The following STK32B variants were observed in gnomAD, a reference collection of about 807,000 sequenced individuals.
STK32B encodes the protein serine/threonine kinase 32B, also known as serine/threonine-protein kinase 32B.
STK32B carries 43 observed loss-of-function variants against 52.6 expected under a neutral mutation model. The ratio of observed to expected loss-of-function variants is 0.82; its 90% CI spans 0.64 to 1.05. STK32B has a LOEUF of 1.05. Ranked by LOEUF, STK32B falls within the 50% of genes least tolerant of loss-of-function variation. The pLI, the probability that STK32B is intolerant of heterozygous loss-of-function variation, is 0.00. For missense variants in STK32B, 621 were observed against 534.6 expected (o/e 1.16, Z -1.59); for synonymous variants, 238 against 204.3 (o/e 1.17, Z -1.41).
intron 6 of STK32B, among the ~76,000 whole-genome samples, chr4:5,422,369 C>A (rs1157890655): frequency 1.3e-5 from 2 of 152,166 alleles, no homozygotes; most frequent in African/African-American, 4.8e-5. Flanking sequence ...GGCCCAGTAA[C>A]AAGTTCCCAG....
intron 11 of STK32B, among the ~76,000 whole-genome samples, chr4:5,478,287 G>T (rs142015841): frequency 7.3e-4 from 111 of 152,324 alleles, no homozygotes; most frequent in Non-Finnish European, 1.4e-3. Context: ...CTGCCCTTCA[G>T]TTCTGTCAGA....
At chr4:5,474,822 T>G (rs1394211192) in intron 11 of STK32B, among the ~76,000 whole-genome samples, 1 of 152,174 alleles carries the variant, frequency 6.6e-6, no homozygotes, top group Non-Finnish European at 1.5e-5. Context: ...CTAAACTGAT[T>G]AAAACATAAT....
chr4:5,233,801 C>A (rs1047398002), intron 3 of STK32B, among the ~76,000 whole-genome samples: 4 of 151,588 alleles, frequency 2.6e-5, no homozygotes, highest in African/African-American at 9.7e-5. Flanking sequence ...ATGGAAACAA[C>A]ATGGAGGTTG....
intron 3 of STK32B, among the ~76,000 whole-genome samples, chr4:5,288,622 T>C (rs929325359): frequency 3.3e-5 from 5 of 152,192 alleles, no homozygotes; most frequent in African/African-American, 1.2e-4. Context: ...AGTTTTTAAA[T>C]CTAATTCTGG....
intron 1 of STK32B, among the ~76,000 whole-genome samples, chr4:5,061,446 A>G (rs1742213436): frequency 6.6e-6 from 1 of 152,212 alleles, no homozygotes; most frequent in Non-Finnish European, 1.5e-5. Context: ...ATTATTTGGT[A>G]ACCCTGTGGG....
Position 5,499,378 on chromosome 4 carries a change from G to C in STK32B, c.*295G>C, listed in dbSNP as rs1720562093. 3 of 353,754 alleles carry C rather than the reference G, an allele frequency of 8.5e-6. No individual in the cohort carries two copies. The highest frequency in any genetic ancestry group is 9.4e-5 in the Admixed American group (2 of 21,324). The allele number at this position is 353,754 out of a possible 1,614,324, so 21.9% of individuals were successfully genotyped here. ...TTATGGGGAGAACCCAATTAGGTAG[G>C]AAACATGAAAAACCTTTGATATTTA... On this transcript the variant is annotated 3_prime_UTR_variant, in exon 12 of 12. Coordinates refer to ENST00000282908, the MANE Select transcript of STK32B (RefSeq NM_018401.3).
intron 3 of STK32B, among the ~76,000 whole-genome samples, chr4:5,251,509 A>C (rs1389596231): frequency 1.3e-5 from 2 of 152,104 alleles, no homozygotes; most frequent in Non-Finnish European, 2.9e-5. Context: ...AAGTCAGGTA[A>C]GCATGAAGCC....
intron 3 of STK32B, 88 bp from the exon 4 acceptor site, chr4:5,331,132 T>A: frequency 7.6e-7 from 1 of 1,314,390 alleles, no homozygotes. Flanking sequence ...TGAGCCTCAG[T>A]TTGCTCTTCT....
At chr4:5,341,561 G>A (rs1236980824) in intron 4 of STK32B, among the ~76,000 whole-genome samples, 5 of 152,184 alleles carry the variant, frequency 3.3e-5, no homozygotes, top group African/African-American at 1.2e-4. Flanking sequence ...GATTTCGTCG[G>A]TAACTTACTT....
intron 9 of STK32B, among the ~76,000 whole-genome samples, chr4:5,464,490 C>T (rs528083298): frequency 1.3e-5 from 2 of 152,290 alleles, no homozygotes; most frequent in East Asian, 1.9e-4. Context: ...GGGTGAGGGC[C>T]GCGAAGTGTT....
chr4:5,258,567 C>T (rs757686450), intron 3 of STK32B, among the ~76,000 whole-genome samples: 1 of 152,168 alleles, frequency 6.6e-6, no homozygotes, highest in African/African-American at 2.4e-5. Flanking sequence ...AGCCCTCAAA[C>T]ATCAGTGATC....
chr4:5,170,447 T>C (rs914956478), intron 3 of STK32B, among the ~76,000 whole-genome samples: 2 of 152,172 alleles, frequency 1.3e-5, no homozygotes, highest in African/African-American at 4.8e-5. Context: ...CTCCTAATGC[T>C]ATCGCTCCCC....
chr4:5,284,102 G>A (rs1334091142), intron 3 of STK32B, among the ~76,000 whole-genome samples: 2 of 152,022 alleles, frequency 1.3e-5, no homozygotes, highest in Non-Finnish European at 2.9e-5. Context: ...AAGAGGGAGA[G>A]GGAGTGAATG....
rs190766603 is a variant in STK32B at position 5,176,512 on chromosome 4, C to T, written c.260+8062C>T. On this transcript the variant is annotated intron_variant, in intron 3 of 11. Transcript: ENST00000282908. ...AGGCTGGAGTGCAATGGTGCAATCT[C>T]GGCTCATTGCAACCTCCACCTCCAA... is the stretch of plus-strand genomic sequence containing the variant. 1.5e-3 allele frequency among the ~76,000 whole-genome samples: 215 copies of T among 145,536 alleles called. 1 individual carries two copies. Among genetic ancestry groups the T allele is most frequent in the Middle Eastern group, 7.2e-3 (2 of 276 alleles).
chr4:5,144,679 C>A (rs1160751604), intron 2 of STK32B, among the ~76,000 whole-genome samples: 1 of 152,130 alleles, frequency 6.6e-6, no homozygotes, highest in Non-Finnish European at 1.5e-5. Context: ...CTGACATTGT[C>A]TTTGTATTTT....
chr4:5,142,218 G>A (rs911711860), intron 2 of STK32B, among the ~76,000 whole-genome samples: 2 of 152,186 alleles, frequency 1.3e-5, no homozygotes, highest in African/African-American at 4.8e-5. Flanking sequence ...ATCCTCTTAT[G>A]GGGTAGATGG....
At chr4:5,132,725 A>G (rs979620144) in intron 1 of STK32B, among the ~76,000 whole-genome samples, 4 of 152,120 alleles carry the variant, frequency 2.6e-5, no homozygotes, top group Non-Finnish European at 2.9e-5. Flanking sequence ...CCTACCAAGT[A>G]TATGGCCATT....
intron 1 of STK32B, among the ~76,000 whole-genome samples, chr4:5,063,333 C>G (rs1375264726): frequency 1.3e-5 from 2 of 152,048 alleles, no homozygotes; most frequent in Non-Finnish European, 2.9e-5. Flanking sequence ...CAAACATACC[C>G]CAAAGATTAT....
chr4:5,471,312 G>A (rs185050800), intron 11 of STK32B, among the ~76,000 whole-genome samples: 2 of 152,302 alleles, frequency 1.3e-5, no homozygotes, highest in South Asian at 2.1e-4. Flanking sequence ...CTGGAGTAGG[G>A]TGGGTGCCTA....
Sources: allele counts gnomAD v4.1 joint callset (sites outside exome capture counted in the v4.1 genomes callset), GRCh38; gene constraint gnomAD v4.1.1; transcripts MANE v1.5; gene names NCBI Gene and HGNC (gene_info 2026-07-23, HGNC 2026-07-21).